Variants in CTNND2 observed in about 807,000 individuals in gnomAD.
CTNND2 encodes catenin delta-2.
A neutral mutation model predicts 144.4 loss-of-function variants in CTNND2; 22 were observed. The ratio of observed to expected loss-of-function variants is 0.15; its 90% CI spans 0.11 to 0.22. CTNND2 has a LOEUF of 0.22. CTNND2 is among the 10% of genes least tolerant of loss of function. The probability of loss-of-function intolerance (pLI) is 1.00; values close to 1 mark genes in which losing one functional copy is unlikely to be tolerated. For synonymous variants in CTNND2, 751 were observed against 695.6 expected, an observed-to-expected ratio of 1.08 and a Z score of -1.25; for missense variants, 1,353 against 1,618.8, an observed-to-expected ratio of 0.84 and a Z score of 2.82.
chr5:11,668,124 A>G (rs1045548476), intron 2 of CTNND2, among the ~76,000 whole-genome samples: 9 of 152,118 alleles, frequency 5.9e-5, no homozygotes, highest in Non-Finnish European at 1.3e-4. Context: ...ATTGGTCTAT[A>G]TATCTGTTTT....
At chr5:11,515,687 T>C (rs922415021) in intron 3 of CTNND2, among the ~76,000 whole-genome samples, 2 of 152,214 alleles carry the variant, frequency 1.3e-5, no homozygotes, top group African/African-American at 4.8e-5. Context: ...CATTAGGCTT[T>C]AAAATATCAC....
At chr5:11,195,652 G>A (rs1311084957) in intron 11 of CTNND2, among the ~76,000 whole-genome samples, 3 of 152,190 alleles carry the variant, frequency 2.0e-5, no homozygotes, top group Non-Finnish European at 2.9e-5. Context: ...CAAGACACGT[G>A]CTTTCACCAA....
chr5:11,725,530 T>G (rs1482880435), intron 2 of CTNND2, among the ~76,000 whole-genome samples: 1 of 152,158 alleles, frequency 6.6e-6, no homozygotes, highest in East Asian at 1.9e-4. Flanking sequence ...AAAATATTTT[T>G]CTTCAGAAAA....
At chr5:11,689,650 G>A (rs1784807358) in intron 2 of CTNND2, among the ~76,000 whole-genome samples, 1 of 151,958 alleles carries the variant, frequency 6.6e-6, no homozygotes, top group South Asian at 2.1e-4. Context: ...TGCAGAAATA[G>A]TCTAATAGGT....
At chr5:11,304,380 C>T (rs575065284) in intron 9 of CTNND2, among the ~76,000 whole-genome samples, 1 of 151,958 alleles carries the variant, frequency 6.6e-6, no homozygotes, top group East Asian at 1.9e-4. Context: ...GTATTACACA[C>T]AGGCACACCA....
In CTNND2 at chr5:11,030,170, A is replaced by G. The variant is rs139955314; in HGVS notation, c.2789-7191T>C. Among the ~76,000 whole-genome samples the G allele has an allele frequency of 1.7e-3, 259 of 152,138 alleles. 3 individuals carry two copies. The highest frequency in any genetic ancestry group is 2.2e-3 in the Non-Finnish European group (152 of 67,978). On this transcript the variant is annotated intron_variant, in intron 16 of 21. Coordinates refer to ENST00000304623, the MANE Select transcript of CTNND2 (RefSeq NM_001332.4). ...TGAGTCACTTCTCTCTGCTTTCAAG[A>G]TTCTTTATCTATGTCTTTCAACAAT...
At chr5:11,332,750 T>A (rs1753303454) in intron 9 of CTNND2, among the ~76,000 whole-genome samples, 1 of 152,186 alleles carries the variant, frequency 6.6e-6, no homozygotes, top group Non-Finnish European at 1.5e-5. Context: ...TTAAACTGTG[T>A]CCCCACACAA....
intron 2 of CTNND2, among the ~76,000 whole-genome samples, chr5:11,591,209 T>C (rs1001780569): frequency 6.6e-6 from 1 of 152,164 alleles, no homozygotes; most frequent in Non-Finnish European, 1.5e-5. Flanking sequence ...TGTGAAGGTG[T>C]CCCTGGTATT....
At chr5:11,594,378 G>A (rs893622850) in intron 2 of CTNND2, among the ~76,000 whole-genome samples, 1 of 152,064 alleles carries the variant, frequency 6.6e-6, no homozygotes, top group Non-Finnish European at 1.5e-5. Context: ...TTCTACTTTT[G>A]AAAAGGTTCT....
intron 10 of CTNND2, among the ~76,000 whole-genome samples, chr5:11,200,908 T>C (rs1214947002): frequency 1.3e-5 from 2 of 148,360 alleles, no homozygotes; most frequent in Non-Finnish European, 1.5e-5. Context: ...CTCGATCTCC[T>C]GACCTCGTGA....
At chr5:11,148,187 T>C (rs1757427390) in intron 12 of CTNND2, among the ~76,000 whole-genome samples, 1 of 152,242 alleles carries the variant, frequency 6.6e-6, no homozygotes, top group Non-Finnish European at 1.5e-5. Context: ...TGGGAGTAAC[T>C]GCTTAATGAA....
intron 3 of CTNND2, among the ~76,000 whole-genome samples, chr5:11,498,621 C>G (rs1337537429): frequency 6.6e-6 from 1 of 152,154 alleles, no homozygotes; most frequent in Non-Finnish European, 1.5e-5. Flanking sequence ...CTTATGGATG[C>G]TCCCATCTTT....
In CTNND2 at chr5:11,009,651, TTTGA is replaced by T. The variant is rs1196412887; in HGVS notation, c.3084+8319_3084+8322del. 3.7e-4 allele frequency among the ~76,000 whole-genome samples: 56 copies of T among 152,318 alleles called. No homozygotes were observed. In the South Asian group the frequency reaches 0.011, roughly 31 times the overall value. ...TTGTCTCTGGGGTATTTTTGTAGGG[TTTGA>T]TTCAAAAATGTTACGAGCGAAGCCT... On this transcript the variant is annotated intron_variant, in intron 18 of 21. Coordinates refer to ENST00000304623, the MANE Select transcript of CTNND2 (RefSeq NM_001332.4).
intron 1 of CTNND2, among the ~76,000 whole-genome samples, chr5:11,822,739 G>A (rs1320317368): frequency 6.6e-6 from 1 of 152,118 alleles, no homozygotes; most frequent in Non-Finnish European, 1.5e-5. Context: ...CCAAAAGTCA[G>A]TTAGGATATA....
At chr5:11,588,920 C>G (rs1779051800) in intron 2 of CTNND2, 1 of 985,342 alleles carries the variant, frequency 1.0e-6, no homozygotes, top group South Asian at 4.7e-5. Context: ...AAAGGAACCA[C>G]AGAGCAGCTC....
chr5:11,152,910 G>A (rs1215485801), intron 12 of CTNND2, among the ~76,000 whole-genome samples: 1 of 152,168 alleles, frequency 6.6e-6, no homozygotes, highest in Non-Finnish European at 1.5e-5. Flanking sequence ...TGAGTGGTGT[G>A]TCTCATCTGT....
At chr5:11,250,769 A>G (rs531254343) in intron 9 of CTNND2, among the ~76,000 whole-genome samples, 3 of 152,054 alleles carry the variant, frequency 2.0e-5, no homozygotes, top group Admixed American at 1.3e-4. Flanking sequence ...CTTCTGCCTC[A>G]GCCTCCCAAA....
intron 3 of CTNND2, among the ~76,000 whole-genome samples, chr5:11,504,880 CT>C (rs1285770875): frequency 6.6e-6 from 1 of 152,130 alleles, no homozygotes. Flanking sequence ...AAGATTCCTG[CT>C]ATTGGCAGGC....
intron 9 of CTNND2, among the ~76,000 whole-genome samples, chr5:11,252,249 C>A (rs1284822842): frequency 6.6e-6 from 1 of 152,222 alleles, no homozygotes; most frequent in South Asian, 2.1e-4. Context: ...AATGAGAAAT[C>A]AATGAGAGAC....
Sources: gnomAD v4.1 joint callset for allele counts (sites outside exome capture counted in the v4.1 genomes callset) on GRCh38, gnomAD v4.1.1 for gene constraint, MANE v1.5 for transcripts, NCBI Gene and HGNC (gene_info 2026-07-23, HGNC 2026-07-21) for gene names.